RAPGEF5: variants seen among roughly 807,000 people sequenced by gnomAD.
The protein encoded by RAPGEF5 is Rap guanine nucleotide exchange factor 5.
A neutral mutation model predicts 125.2 loss-of-function variants in RAPGEF5; 65 were observed. The ratio of observed to expected loss-of-function variants is 0.52; its 90% CI spans 0.43 to 0.64. The LOEUF (loss-of-function observed/expected upper bound fraction) is 0.64, where lower values mean the gene tolerates loss of function less well. RAPGEF5 is among the 30% of genes least tolerant of loss of function. The pLI is 0.00. For missense variants in RAPGEF5, 958 were observed against 1,048.1 expected, an observed-to-expected ratio of 0.91 and a Z score of 1.19; for synonymous variants, 391 against 385.9, an observed-to-expected ratio of 1.01 and a Z score of -0.16.
chr7:22,329,308 C>T (rs190128294), intron 1 of RAPGEF5, among the ~76,000 whole-genome samples: 3 of 152,242 alleles, frequency 2.0e-5, no homozygotes, highest in Admixed American at 1.3e-4. Flanking sequence ...GATTGATAAT[C>T]TGTTTCTAGA....
At chr7:22,141,878 C>G (rs1193220423) in intron 20 of RAPGEF5, among the ~76,000 whole-genome samples, 1 of 152,194 alleles carries the variant, frequency 6.6e-6, no homozygotes, top group Non-Finnish European at 1.5e-5. Context: ...TGAATAAACT[C>G]CAATAAGATA....
intron 7 of RAPGEF5, among the ~76,000 whole-genome samples, chr7:22,252,286 T>C (rs1583518938): frequency 6.6e-6 from 1 of 152,166 alleles, no homozygotes; most frequent in South Asian, 2.1e-4. Context: ...GCACCATCAG[T>C]GTTCAGTTCT....
At chr7:22,197,578 GC>G (rs1262305904) in intron 9 of RAPGEF5, among the ~76,000 whole-genome samples, 1 of 152,118 alleles carries the variant, frequency 6.6e-6, no homozygotes, top group Admixed American at 6.5e-5. Flanking sequence ...CCTCCAGGAA[GC>G]CCCCTGGTCT....
chr7:22,236,230 C>G (rs911934318), intron 7 of RAPGEF5, among the ~76,000 whole-genome samples: 5 of 152,116 alleles, frequency 3.3e-5, no homozygotes, highest in African/African-American at 1.2e-4. Context: ...TGCCTCTTTC[C>G]TTGGTGATCT....
At chr7:22,234,818 T>TGCAA (rs1201014981) in intron 7 of RAPGEF5, among the ~76,000 whole-genome samples, 2 of 152,038 alleles carry the variant, frequency 1.3e-5, no homozygotes, top group Non-Finnish European at 2.9e-5. Flanking sequence ...GGTGCTAAAA[T>TGCAA]GCAAACAAAC....
Position 22,118,461 on chromosome 7 carries a change from A to G in RAPGEF5, c.*3945T>C, listed in dbSNP as rs1201746241. 2.6e-5 allele frequency: 4 copies of G among 152,646 alleles called. No individual in the cohort carries two copies. Among genetic ancestry groups the G allele is most frequent in the Non-Finnish European group, 5.9e-5 (4 of 68,030 alleles). 9.5% of individuals were successfully genotyped at this position (152,646 alleles called of 1,614,324 possible). A position where few individuals can be genotyped will look rare whatever the true frequency, so the allele number is the denominator to read the frequency against. ...TTACTAGCTTCGATAAATACACAGC[A>G]CAGTCATATACATATATATTATATA... On this transcript the variant is annotated 3_prime_UTR_variant, in exon 26 of 26. Transcript: ENST00000665637.
Position 22,297,855 on chromosome 7 carries a change from T to C in RAPGEF5, c.681-6614A>G, listed in dbSNP as rs145561993. ...CTGATCTTAGTAGGCAAGCATTTAG[T>C]CTCTTACCATTAAGTATGATGCAAG... On this transcript the variant is annotated intron_variant, in intron 5 of 25. Coordinates refer to ENST00000665637, the MANE Select transcript of RAPGEF5 (RefSeq NM_012294.5). 3.7e-4 allele frequency among the ~76,000 whole-genome samples: 57 copies of C among 152,332 alleles called. No homozygotes were observed. The East Asian group carries it at 0.011, about 28-fold the overall frequency.
intron 9 of RAPGEF5, among the ~76,000 whole-genome samples, chr7:22,195,882 T>C (rs1333686613): frequency 6.6e-6 from 1 of 152,248 alleles, no homozygotes; most frequent in Non-Finnish European, 1.5e-5. Context: ...TCATTTTATA[T>C]GAGCTTGCTG....
At chr7:22,266,850 T>C (rs1782293978) in intron 7 of RAPGEF5, 114 bp downstream of exon 7, 2 of 1,006,210 alleles carry the variant, frequency 2.0e-6, no homozygotes, top group East Asian at 5.0e-5. Flanking sequence ...GTATAATTCT[T>C]TGCATTCTAC....
chr7:22,303,072 T>C (rs796795813), intron 5 of RAPGEF5, among the ~76,000 whole-genome samples: 5 of 152,292 alleles, frequency 3.3e-5, no homozygotes, highest in African/African-American at 1.2e-4. Flanking sequence ...AATAGTCAAG[T>C]TCCCTCACAG....
At chr7:22,281,848 C>T (rs1048043954) in intron 6 of RAPGEF5, among the ~76,000 whole-genome samples, 1 of 152,212 alleles carries the variant, frequency 6.6e-6, no homozygotes, top group African/African-American at 2.4e-5. Context: ...CTGGCTATTT[C>T]TGTCTACCAC....
chr7:22,322,417 G>A (rs1050668741), intron 1 of RAPGEF5, among the ~76,000 whole-genome samples: 7 of 151,976 alleles, frequency 4.6e-5, no homozygotes, highest in Non-Finnish European at 1.0e-4. Flanking sequence ...AGAGTGCTGG[G>A]ATTACCGGTG....
intron 7 of RAPGEF5, among the ~76,000 whole-genome samples, chr7:22,245,173 A>G (rs946444735): frequency 6.6e-6 from 1 of 152,174 alleles, no homozygotes; most frequent in Non-Finnish European, 1.5e-5. Context: ...TTTTCTTCCT[A>G]TCATGTTGTT....
At chr7:22,234,049 A>G (rs1197683792) in intron 7 of RAPGEF5, among the ~76,000 whole-genome samples, 1 of 152,158 alleles carries the variant, frequency 6.6e-6, no homozygotes, top group Non-Finnish European at 1.5e-5. Flanking sequence ...AAATAACATT[A>G]TTTTCTTGGA....
intron 9 of RAPGEF5, among the ~76,000 whole-genome samples, chr7:22,208,354 C>G (rs961845507): frequency 6.6e-6 from 1 of 152,156 alleles, no homozygotes; most frequent in African/African-American, 2.4e-5. Context: ...AATGACTACA[C>G]TGGTGGCAAC....
intron 1 of RAPGEF5, among the ~76,000 whole-genome samples, chr7:22,341,823 G>C (rs531795025): frequency 2.0e-5 from 3 of 152,312 alleles, no homozygotes; most frequent in Admixed American, 6.5e-5. Flanking sequence ...GCTTTGCAGG[G>C]TATATTCCCC....
chr7:22,304,006 G>T (rs10227259), intron 5 of RAPGEF5, among the ~76,000 whole-genome samples: 37,040 of 151,936 alleles, frequency 0.24, 4,578 homozygotes, highest in Non-Finnish European at 0.26. Flanking sequence ...TCATGCATGT[G>T]CAACCATAGA....
chr7:22,136,010 C>T (rs781271276), intron 23 of RAPGEF5, 28 bp downstream of exon 23: 23 of 1,518,138 alleles, frequency 1.5e-5, no homozygotes, highest in Non-Finnish European at 1.9e-5. Flanking sequence ...TATGAAATTA[C>T]ATGGCATAAA....
chr7:22,285,577 A>G (rs1782778117), intron 6 of RAPGEF5, among the ~76,000 whole-genome samples: 1 of 152,224 alleles, frequency 6.6e-6, no homozygotes, highest in Non-Finnish European at 1.5e-5. Flanking sequence ...AATTTCTCCA[A>G]TATATCAAAT....
Sources: gnomAD v4.1 joint callset for allele counts (sites outside exome capture counted in the v4.1 genomes callset) on GRCh38, gnomAD v4.1.1 for gene constraint, MANE v1.5 for transcripts, NCBI Gene and HGNC (gene_info 2026-07-23, HGNC 2026-07-21) for gene names.